MDN1: variants seen among roughly 807,000 people sequenced by gnomAD.
The protein encoded by MDN1 is midasin.
A neutral mutation model predicts 669.2 loss-of-function variants in MDN1; 266 were observed. That is an observed-to-expected ratio of 0.40 (90% CI 0.36 to 0.44). The LOEUF (loss-of-function observed/expected upper bound fraction) is 0.44. Among genes scored for constraint, MDN1 ranks in the 20% least tolerant of loss-of-function variants. The probability of loss-of-function intolerance (pLI) is 1.00; values close to 1 mark genes in which losing one functional copy is unlikely to be tolerated. For synonymous variants in MDN1, 2,385 were observed against 2,457.1 expected (o/e 0.97, Z 0.87); for missense variants, 5,940 against 6,754.0 (o/e 0.88, Z 4.22).
intron 49 of MDN1, among the ~76,000 whole-genome samples, chr6:89,711,022 A>G (rs1562124098): frequency 6.6e-6 from 1 of 152,214 alleles, no homozygotes; most frequent in Non-Finnish European, 1.5e-5. Flanking sequence ...ATCATATAGG[A>G]CAATACAGAT....
intron 75 of MDN1, 105 bp from the exon 76 acceptor site, chr6:89,677,801 T>A: frequency 6.9e-7 from 1 of 1,451,990 alleles, no homozygotes. Context: ...CAGCATCACC[T>A]GAGAGCTTGT....
At chr6:89,664,400 T>G in intron 85 of MDN1, 87 bp downstream of exon 85, 1 of 1,512,054 alleles carries the variant, frequency 6.6e-7, no homozygotes, top group South Asian at 1.2e-5. Context: ...AAAGATTATA[T>G]TGGGTTCCTT....
intron 59 of MDN1, among the ~76,000 whole-genome samples, chr6:89,696,996 G>C (rs961816119): frequency 6.6e-6 from 1 of 152,192 alleles, no homozygotes; most frequent in South Asian, 2.1e-4. Context: ...GCAAAGGGTT[G>C]TCAAAGGGTG....
chr6:89,712,664 T>C lies in MDN1; in HGVS notation c.7341A>G (p.Glu2447=). The change falls in exon 48 of 102, where the codon GAA becomes GAG. Residue 2447 remains glutamate (E), a synonymous_variant. Coordinates refer to ENST00000369393, the MANE Select transcript of MDN1 (RefSeq NM_014611.3). Reference sequence around the variant, plus strand: ...TTCGGACTGTAGACAGGTGTGAATCTTCAGTAGCAAAGAGAGCTGAGGGCA... The same window carrying C: ...TTCGGACTGTAGACAGGTGTGAATCCTCAGTAGCAAAGAGAGCTGAGGGCA... ...DSVPSALFAT[E]DSHLSTVRRD... 6.2e-7 allele frequency: 1 copy of C among 1,614,134 alleles called. No homozygotes were observed. The highest frequency in any genetic ancestry group is 8.5e-7 in the Non-Finnish European group (1 of 1,179,992).
chr6:89,746,736 T>C (rs185331952), intron 27 of MDN1, among the ~76,000 whole-genome samples: 232 of 152,342 alleles, frequency 1.5e-3, no homozygotes, highest in African/African-American at 5.4e-3. Context: ...CATACTCTTC[T>C]TACTTATTAA....
chr6:89,797,619 C>G (rs547017681), intron 2 of MDN1: 42 of 454,128 alleles, frequency 9.2e-5, no homozygotes, highest in Middle Eastern at 9.7e-4. Flanking sequence ...ATTCGTAGGC[C>G]ATTATGTTTT....
intron 83 of MDN1, among the ~76,000 whole-genome samples, chr6:89,669,380 T>C (rs1050217859): frequency 2.6e-5 from 4 of 152,196 alleles, no homozygotes; most frequent in Non-Finnish European, 4.4e-5. Context: ...TTTTACTTAT[T>C]ATTACTTTTT....
At chr6:89,819,073 C>A (rs1287175339) in intron 1 of MDN1, among the ~76,000 whole-genome samples, 1 of 152,184 alleles carries the variant, frequency 6.6e-6, no homozygotes, top group African/African-American at 2.4e-5. Context: ...CCGTTCCTTA[C>A]GCACAGCAGG....
intron 95 of MDN1, 78 bp from the exon 96 acceptor site, chr6:89,650,925 G>T: frequency 1.7e-6 from 2 of 1,147,904 alleles, no homozygotes; most frequent in South Asian, 1.3e-5. Context: ...CAGGCTTTAA[G>T]CAAAGTGGTA....
In MDN1 at chr6:89,781,384, T is replaced by C. The variant is rs766711048; in HGVS notation, c.1643+15A>G. 6.2e-7 allele frequency: 1 copy of C among 1,607,842 alleles called. No homozygotes were observed. The highest frequency in any genetic ancestry group is 1.7e-5 in the Admixed American group (1 of 59,846). On this transcript the variant is annotated intron_variant, in intron 10 of 101. Transcript: ENST00000369393. ...AAAAGAAAGAAAGAAAAGAAAAAAC[T>C]GTTTAGTCCAGTACCTTAGAGATAA... is the stretch of plus-strand genomic sequence containing the variant.
At chr6:89,806,692 C>T (rs569496594) in intron 1 of MDN1, among the ~76,000 whole-genome samples, 6 of 151,230 alleles carry the variant, frequency 4.0e-5, no homozygotes, top group Middle Eastern at 3.4e-3. Context: ...CACTCCAGCC[C>T]GGGCAACAGA....
chr6:89,773,104 C>T (rs1417022553), intron 13 of MDN1, among the ~76,000 whole-genome samples: 1 of 152,180 alleles, frequency 6.6e-6, no homozygotes, highest in Non-Finnish European at 1.5e-5. Context: ...CTCATGTCTA[C>T]CCAGATCCTA....
Position 89,710,702 on chromosome 6 carries a change from T to C in MDN1, c.7744A>G (p.Ile2582Val), listed in dbSNP as rs957716900. 3.8e-6 allele frequency: 6 copies of C among 1,589,926 alleles called. No individual in the cohort carries two copies. Among genetic ancestry groups the C allele is most frequent in the South Asian group, 2.3e-5 (2 of 86,206 alleles). ...LSGAVSNVFK[I>V]LQPNTTDEFV... ...ATACCTGTTGTATTTGGTTGTAATATTTTGAAAACATTACTGACTGCACCT... is the reference window on the plus strand; with the variant it reads ...ATACCTGTTGTATTTGGTTGTAATACTTTGAAAACATTACTGACTGCACCT... Residue 2582 changes from isoleucine to valine, a missense_variant, in exon 50 of 102, where the codon ATA (isoleucine) becomes GTA (valine). By Grantham distance (29) the Ile-to-Val change is conservative. Coordinates refer to ENST00000369393, the MANE Select transcript of MDN1 (RefSeq NM_014611.3).
chr6:89,791,966 C>G (rs1819293815), intron 5 of MDN1, among the ~76,000 whole-genome samples: 1 of 142,562 alleles, frequency 7.0e-6, no homozygotes, highest in Non-Finnish European at 1.5e-5. Context: ...CTCCCGGGTT[C>G]AAGCCATTCT....
intron 15 of MDN1, among the ~76,000 whole-genome samples, chr6:89,765,074 G>A (rs1817744780): frequency 6.6e-6 from 1 of 152,156 alleles, no homozygotes; most frequent in Admixed American, 6.6e-5. Flanking sequence ...GGCTAACATG[G>A]TGAAACCCCA....
At chr6:89,798,620 C>T (rs1238920024) in intron 2 of MDN1, among the ~76,000 whole-genome samples, 2 of 152,054 alleles carry the variant, frequency 1.3e-5, no homozygotes, top group South Asian at 2.1e-4. Flanking sequence ...AATAATTTAG[C>T]GCAAGCTAAA....
intron 2 of MDN1, among the ~76,000 whole-genome samples, chr6:89,796,914 CA>C (rs1482881085): frequency 6.6e-6 from 1 of 151,604 alleles, no homozygotes; most frequent in Admixed American, 6.6e-5. Context: ...ACTAAAAATA[CA>C]AAATTAGCCA....
Position 89,642,690 on chromosome 6 carries a change from G to GCTGA in MDN1, c.*1311_*1314dup, listed in dbSNP as rs751529459. The GCTGA allele has an allele frequency of 6.6e-6, 1 of 152,204 alleles. No individual in the cohort carries two copies. The highest frequency in any genetic ancestry group is 1.5e-5 in the Non-Finnish European group (1 of 68,044). The allele number at this position is 152,204 out of a possible 1,614,324, so 9.4% of individuals were successfully genotyped here. On this transcript the variant is annotated 3_prime_UTR_variant, in exon 102 of 102. Coordinates refer to ENST00000369393, the MANE Select transcript of MDN1 (RefSeq NM_014611.3). ...GTTAGCACAGCATCAACTAGTAACA[G>GCTGA]CTGACTGACTGATCCAGCAGAGAAG...
At chr6:89,667,978 A>G (rs1381773747) in intron 84 of MDN1, 36 bp downstream of exon 84, 2 of 1,598,154 alleles carry the variant, frequency 1.3e-6, no homozygotes, top group East Asian at 2.2e-5. Flanking sequence ...AAAGAGAGTG[A>G]TCTTCTGTCA....
Sources: allele counts gnomAD v4.1 joint callset (sites outside exome capture counted in the v4.1 genomes callset), GRCh38; gene constraint gnomAD v4.1.1; transcripts MANE v1.5; gene names NCBI Gene and HGNC (gene_info 2026-07-23, HGNC 2026-07-21).